PCM1: variants seen among roughly 807,000 people sequenced by gnomAD.
PCM1 encodes the protein pericentriolar material 1 protein.
A neutral mutation model predicts 241.9 loss-of-function variants in PCM1; 157 were observed. That is an observed-to-expected ratio of 0.65 (90% CI 0.57 to 0.74). PCM1 has a LOEUF of 0.74. Among genes scored for constraint, PCM1 ranks in the 30% least tolerant of loss-of-function variants. The probability of loss-of-function intolerance (pLI) is 0.00; values close to 1 mark genes in which losing one functional copy is unlikely to be tolerated. For missense variants in PCM1, 3,478 were observed against 2,360.1 expected, an observed-to-expected ratio of 1.47 and a Z score of -9.81; for synonymous variants, 1,085 against 784.9, an observed-to-expected ratio of 1.38 and a Z score of -6.39.
intron 8 of PCM1, among the ~76,000 whole-genome samples, chr8:17,951,792 T>G (rs1430835771): frequency 6.6e-6 from 1 of 152,210 alleles, no homozygotes; most frequent in African/African-American, 2.4e-5. Context: ...TAGTTAAATC[T>G]GTAATGTTAT....
intron 38 of PCM1, among the ~76,000 whole-genome samples, chr8:18,027,377 A>G (rs571780536): frequency 5.9e-5 from 9 of 151,860 alleles, no homozygotes; most frequent in Non-Finnish European, 8.8e-5. Flanking sequence ...GATTTATTCT[A>G]TTCTATAGTT....
In PCM1 at chr8:18,011,653, A is replaced by G. The variant is rs1564373373; in HGVS notation, c.5351-14A>G. 6 of 1,589,352 alleles carry G rather than the reference A, an allele frequency of 3.8e-6. No homozygotes were observed. Among genetic ancestry groups the G allele is most frequent in the Non-Finnish European group, 5.1e-6 (6 of 1,167,856 alleles). On this transcript the variant is annotated splice_polypyrimidine_tract_variant and intron_variant, in intron 33 of 38. Transcript: ENST00000325083. ...TGCTGAAATTTACTAAAAATTGTGT[A>G]TTAATCAACTTAGATTTGTCTAAAG...
chr8:17,946,832 A>AGTGTGTGTGTGTGTGTGTGTGT (rs368892136), intron 6 of PCM1, among the ~76,000 whole-genome samples: 4 of 138,296 alleles, frequency 2.9e-5, no homozygotes, highest in Non-Finnish European at 3.2e-5. Flanking sequence ...TAGATTCTTC[A>AGTGTGTGTGTGTGTGTGTGTGT]GTGTGTGTGT....
intron 36 of PCM1, among the ~76,000 whole-genome samples, chr8:18,021,106 A>G (rs1243830954): frequency 6.6e-6 from 1 of 152,210 alleles, no homozygotes; most frequent in African/African-American, 2.4e-5. Flanking sequence ...TCAGTAAACA[A>G]TGCTGTGCAC....
rs1238902763 is a variant in PCM1, at chr8:17,937,381, T to G, written c.342+2T>G. 6.4e-7 allele frequency: 1 copy of G among 1,574,140 alleles called. No homozygotes were observed. Among genetic ancestry groups the G allele is most frequent in the Non-Finnish European group, 8.6e-7 (1 of 1,164,326 alleles). On this transcript the variant is annotated splice_donor_variant, in intron 4 of 38. Coordinates refer to ENST00000325083, the MANE Select transcript of PCM1 (RefSeq NM_006197.4). LOFTEE classifies it high-confidence loss of function. ...ATAAACTTCAGTGATTTAGATCAGGTTTGTGAATTATTTTTAAAAATGAAG... is the reference window on the plus strand; with the variant it reads ...ATAAACTTCAGTGATTTAGATCAGGGTTGTGAATTATTTTTAAAAATGAAG...
intron 7 of PCM1, among the ~76,000 whole-genome samples, chr8:17,948,399 G>C (rs561808914): frequency 9.9e-5 from 14 of 141,170 alleles, no homozygotes; most frequent in Non-Finnish European, 1.9e-4. Context: ...CTGCCTCCCA[G>C]GTTCAAGTGA....
intron 2 of PCM1, among the ~76,000 whole-genome samples, chr8:17,931,504 G>T (rs1026592168): frequency 3.3e-5 from 5 of 152,070 alleles, no homozygotes; most frequent in African/African-American, 1.2e-4. Context: ...GGCCAGGCTG[G>T]TATTGAATTC....
At chr8:17,944,657 T>G (rs1398422608) in intron 6 of PCM1, among the ~76,000 whole-genome samples, 1 of 152,162 alleles carries the variant, frequency 6.6e-6, no homozygotes, top group Non-Finnish European at 1.5e-5. Flanking sequence ...GGATTTCTAT[T>G]CCAGGTGCCA....
chr8:17,993,340 G>T, intron 28 of PCM1, 143 bp from the exon 29 acceptor site: 1 of 460,166 alleles, frequency 2.2e-6, no homozygotes, highest in Non-Finnish European at 3.7e-6. Context: ...AATTGATAGG[G>T]GTGCTTAAAC....
rs454755 is a variant in PCM1, at chr8:17,938,874, C to T, written c.477C>T (p.Asn159=). 0.77 allele frequency: 1,242,415 copies of T among 1,611,692 alleles called. 483,439 individuals are homozygous for T. The highest frequency in any genetic ancestry group is 0.83 in the African/African-American group (62,413 of 74,840). The part of the protein sequence containing the change: ...NTNKSKDAST[N]PPNRETIGSA... ...ACAAGAGCAAAGATGCATCTACAAACCCCCCAAACAGAGAAACGATTGGAT... is the reference window on the plus strand; with the variant it reads ...ACAAGAGCAAAGATGCATCTACAAATCCCCCAAACAGAGAAACGATTGGAT... Residue 159 remains asparagine, a synonymous_variant, in exon 5 of 39, where the codon AAC becomes AAT. Transcript: ENST00000325083.
intron 13 of PCM1, among the ~76,000 whole-genome samples, chr8:17,958,246 T>C (rs573033948): frequency 1.3e-5 from 2 of 152,308 alleles, no homozygotes; most frequent in East Asian, 3.9e-4. Flanking sequence ...TTTATATGAC[T>C]GTCCAATCCA....
intron 2 of PCM1, among the ~76,000 whole-genome samples, chr8:17,930,672 A>T (rs796555155): frequency 5.3e-5 from 8 of 151,740 alleles, no homozygotes; most frequent in African/African-American, 1.9e-4. Flanking sequence ...AGGTCAGGAG[A>T]TGGAGACCAT....
chr8:18,023,458 C>T (rs571670582), intron 36 of PCM1, among the ~76,000 whole-genome samples: 19 of 152,228 alleles, frequency 1.2e-4, no homozygotes, highest in Admixed American at 6.5e-4. Flanking sequence ...ATGATACTTT[C>T]GATACTCTTC....
At chr8:17,943,235 C>T (rs1409363299) in intron 6 of PCM1, among the ~76,000 whole-genome samples, 1 of 142,292 alleles carries the variant, frequency 7.0e-6, no homozygotes, top group Non-Finnish European at 1.5e-5. Flanking sequence ...AACTTCACCT[C>T]TAGTATTTTG....
In PCM1 at chr8:18,029,938, C is replaced by G. The variant is rs1197670992; in HGVS notation, c.*2276C>G. On this transcript the variant is annotated 3_prime_UTR_variant, in exon 39 of 39. Coordinates refer to ENST00000325083, the MANE Select transcript of PCM1 (RefSeq NM_006197.4). ...TTTTTCACTGTTAATAAATATATAT[C>G]CTGTATACAACCCTGAATTGTATTT... is the stretch of plus-strand genomic sequence containing the variant. 2 of 182,926 alleles carry G rather than the reference C, an allele frequency of 1.1e-5. No homozygotes were observed. Among genetic ancestry groups the G allele is most frequent in the African/African-American group, 2.4e-5 (1 of 42,518 alleles). 11.3% of individuals were successfully genotyped at this position (182,926 alleles called of 1,614,324 possible). A position where few individuals can be genotyped will look rare whatever the true frequency, so the allele number is the denominator to read the frequency against.
At chr8:17,972,285 A>G (rs760366746) in intron 22 of PCM1, 44 bp from the exon 23 acceptor site, 4 of 1,150,884 alleles carry the variant, frequency 3.5e-6, no homozygotes, top group South Asian at 2.1e-5. Context: ...GAGTTTTTGT[A>G]AACTATAGTT....
intron 22 of PCM1, among the ~76,000 whole-genome samples, chr8:17,971,241 T>C (rs1466012437): frequency 6.6e-6 from 1 of 152,234 alleles, no homozygotes; most frequent in Non-Finnish European, 1.5e-5. Context: ...ATTTGGTCTG[T>C]AAGTTACAGG....
intron 28 of PCM1, 62 bp from the exon 29 acceptor site, chr8:17,993,421 A>C (rs2085483780): frequency 2.8e-6 from 3 of 1,071,036 alleles, no homozygotes; most frequent in Non-Finnish European, 3.9e-6. Context: ...TTTCAACATA[A>C]AGGCATATAT....
intron 16 of PCM1, among the ~76,000 whole-genome samples, chr8:17,962,563 A>C (rs188783177): frequency 6.6e-6 from 1 of 152,172 alleles, no homozygotes; most frequent in Admixed American, 6.5e-5. Context: ...TAGAAAATAT[A>C]ATTTTTCCTA....
Sources: allele counts gnomAD v4.1 joint callset (sites outside exome capture counted in the v4.1 genomes callset), GRCh38; gene constraint gnomAD v4.1.1; transcripts MANE v1.5; gene names NCBI Gene and HGNC (gene_info 2026-07-23, HGNC 2026-07-21).